PKD1L1: variants seen among roughly 807,000 people sequenced by gnomAD.
PKD1L1 encodes polycystin-1-like protein 1.
PKD1L1 carries 236 observed loss-of-function variants against 323.4 expected under a neutral mutation model. The ratio of observed to expected loss-of-function variants is 0.73; its 90% CI spans 0.66 to 0.81. The LOEUF (loss-of-function observed/expected upper bound fraction) is 0.81, where lower values mean the gene tolerates loss of function less well. Among genes scored for constraint, PKD1L1 ranks in the 40% least tolerant of loss-of-function variants. The pLI is 0.00. For missense variants in PKD1L1, 3,320 were observed against 3,508.0 expected, an observed-to-expected ratio of 0.95 and a Z score of 1.35; for synonymous variants, 1,344 against 1,335.0, an observed-to-expected ratio of 1.01 and a Z score of -0.15.
intron 52 of PKD1L1, among the ~76,000 whole-genome samples, chr7:47,805,380 T>C (rs1784755900): frequency 6.6e-6 from 1 of 152,198 alleles, no homozygotes; most frequent in South Asian, 2.1e-4. Context: ...GCACCTGGGA[T>C]GCAGCCTACA....
chr7:47,904,475 A>G lies in PKD1L1; in HGVS notation c.1834T>C (p.Cys612Arg). 1.9e-6 allele frequency: 3 copies of G among 1,614,102 alleles called. No homozygotes were observed. Among genetic ancestry groups the G allele is most frequent in the Non-Finnish European group, 2.5e-6 (3 of 1,180,034 alleles). The change falls in exon 12 of 57, where the codon TGC (cysteine) becomes CGC (arginine). Residue 612 changes from cysteine (C) to arginine (R), a missense_variant. Physicochemically the swap from Cys to Arg is radical, Grantham distance 180. Coordinates refer to ENST00000289672, the MANE Select transcript of PKD1L1 (RefSeq NM_138295.5). ...ACATCTGTGCCGAAGTTGATCCAGC[A>G]CTCAAAGGCCACACTGGCATTTACC... ...ALVNASVAFE[C>R]WINFGTDVAY...
chr7:47,951,999 C>T (rs1788211944), upstream of PKD1L1, among the ~76,000 whole-genome samples: 1 of 152,174 alleles, frequency 6.6e-6, no homozygotes, highest in South Asian at 2.1e-4. Context: ...ATGTCCCTTC[C>T]TAGCAAGACT....
At position 47,875,978 on chromosome 7, in the gene PKD1L1, A is replaced by G. The variant is rs749229334; in HGVS notation, c.3784+119T>C. Reference sequence around the variant, plus strand: ...AGATAATAAACCTAAACTGAAAAGCATTAAACTGATCAAGGTGATTTTATT... The same window carrying G: ...AGATAATAAACCTAAACTGAAAAGCGTTAAACTGATCAAGGTGATTTTATT... On this transcript the variant is annotated intron_variant, in intron 23 of 56. Coordinates refer to ENST00000289672, the MANE Select transcript of PKD1L1 (RefSeq NM_138295.5). The G allele has an allele frequency of 1.6e-5, 18 of 1,125,496 alleles. 1 individual carries two copies. Among genetic ancestry groups the G allele is most frequent in the Admixed American group, 1.1e-4 (4 of 37,332 alleles). The allele number at this position is 1,125,496 out of a possible 1,614,324, so 69.7% of individuals were successfully genotyped here.
At chr7:47,841,435 G>A (rs186548018) in intron 34 of PKD1L1, among the ~76,000 whole-genome samples, 2 of 152,290 alleles carry the variant, frequency 1.3e-5, no homozygotes, top group Non-Finnish European at 2.9e-5. Flanking sequence ...TCTCTTGAGA[G>A]TTGGCATGAC....
intron 6 of PKD1L1, 31 bp downstream of exon 6, chr7:47,931,073 G>A: frequency 6.3e-7 from 1 of 1,593,026 alleles, no homozygotes; most frequent in Non-Finnish European, 8.6e-7. Context: ...TTGGAGAAGT[G>A]GTGCTGGCCT....
At chr7:47,882,531 G>A (rs191503278) in intron 19 of PKD1L1, among the ~76,000 whole-genome samples, 1 of 152,052 alleles carries the variant, frequency 6.6e-6, no homozygotes, top group Admixed American at 6.5e-5. Context: ...AGAGAGAGTG[G>A]TGTGGAAAGG....
intron 24 of PKD1L1, among the ~76,000 whole-genome samples, chr7:47,868,671 T>A (rs1295273311): frequency 1.3e-5 from 2 of 151,896 alleles, no homozygotes; most frequent in Admixed American, 6.6e-5. Flanking sequence ...AGGTCGGGAG[T>A]TCGAGACCAG....
At chr7:47,933,145 C>G (rs1787804183) in intron 4 of PKD1L1, among the ~76,000 whole-genome samples, 1 of 152,210 alleles carries the variant, frequency 6.6e-6, no homozygotes, top group Non-Finnish European at 1.5e-5. Context: ...TAAAATATGA[C>G]AGCAGTCGTG....
intron 50 of PKD1L1, among the ~76,000 whole-genome samples, 193 bp downstream of exon 50, chr7:47,811,624 T>TG (rs1562941101): frequency 6.6e-6 from 1 of 152,194 alleles, no homozygotes; most frequent in Non-Finnish European, 1.5e-5. Context: ...GTTTCCCCAC[T>TG]GGGGGTCTTC....
At chr7:47,936,476 C>T (rs1045459205) in intron 4 of PKD1L1, among the ~76,000 whole-genome samples, 3 of 152,130 alleles carry the variant, frequency 2.0e-5, no homozygotes, top group African/African-American at 4.8e-5. Context: ...CAAGGTTCAT[C>T]GAATGCTGTT....
chr7:47,909,904 T>C (rs967758310), intron 8 of PKD1L1, among the ~76,000 whole-genome samples: 4 of 152,164 alleles, frequency 2.6e-5, no homozygotes, highest in Non-Finnish European at 5.9e-5. Context: ...GGGAATACTG[T>C]GATAAGCAGA....
chr7:47,880,280 A>ATTTT (rs1380647150), intron 21 of PKD1L1, among the ~76,000 whole-genome samples: 3 of 71,590 alleles, frequency 4.2e-5, no homozygotes, highest in Non-Finnish European at 7.5e-5. Flanking sequence ...ATATATATAT[A>ATTTT]TATATTTTTT....
chr7:47,900,126 T>C (rs1787053290), intron 13 of PKD1L1, among the ~76,000 whole-genome samples: 1 of 152,180 alleles, frequency 6.6e-6, no homozygotes, highest in East Asian at 1.9e-4. Context: ...ATTCTGAATA[T>C]GATATCATTC....
the PKD1L1 span, among the ~76,000 whole-genome samples, chr7:47,957,842 TTACAA>T: frequency 9.3e-6 from 1 of 107,310 alleles, no homozygotes; most frequent in African/African-American, 3.1e-5. Context: ...AAAATCCCAT[TTACAA>T]TACAATTAAA....
chr7:47,900,198 G>T (rs138901032), intron 13 of PKD1L1, among the ~76,000 whole-genome samples: 9 of 152,238 alleles, frequency 5.9e-5, no homozygotes, highest in African/African-American at 1.9e-4. Context: ...ATACTAGGAT[G>T]CCAATTTTTA....
At chr7:47,813,039 A>T in intron 49 of PKD1L1, 82 bp downstream of exon 49, 4 of 1,513,446 alleles carry the variant, frequency 2.6e-6, no homozygotes, top group Non-Finnish European at 3.6e-6. Flanking sequence ...CACCTGCTGC[A>T]GATGCGCTGC....
At chr7:47,906,813 A>C (rs911470691) in intron 9 of PKD1L1, among the ~76,000 whole-genome samples, 10 of 152,234 alleles carry the variant, frequency 6.6e-5, no homozygotes, top group African/African-American at 2.2e-4. Flanking sequence ...GACTAAAAAT[A>C]GATATATGAT....
intron 46 of PKD1L1, chr7:47,818,067 C>T (rs571062112): frequency 2.9e-6 from 4 of 1,367,770 alleles, no homozygotes; most frequent in South Asian, 1.1e-5. Context: ...GACTTCTCTA[C>T]AAGTTTTGTC....
At chr7:47,792,314 G>T (rs10282416) in intron 56 of PKD1L1, among the ~76,000 whole-genome samples, 117,392 of 151,000 alleles carry the variant, frequency 0.78, 45,836 homozygotes, top group East Asian at 0.84. Context: ...AGATTTCTGG[G>T]TTTTTTTTTG....
Sources: allele counts gnomAD v4.1 joint callset (sites outside exome capture counted in the v4.1 genomes callset), GRCh38; gene constraint gnomAD v4.1.1; transcripts MANE v1.5; gene names NCBI Gene and HGNC (gene_info 2026-07-23, HGNC 2026-07-21).